The following FSTL4 variants were observed in gnomAD, a reference collection of about 807,000 sequenced individuals.
FSTL4 encodes follistatin-related protein 4.
A neutral mutation model predicts 78.2 loss-of-function variants in FSTL4; 28 were observed. The ratio of observed to expected loss-of-function variants is 0.36; its 90% confidence interval spans 0.27 to 0.49. The LOEUF (loss-of-function observed/expected upper bound fraction) is 0.49. Among genes scored for constraint, FSTL4 ranks in the 20% least tolerant of loss-of-function variants. The pLI is 0.98. For synonymous variants in FSTL4, 422 were observed against 440.5 expected (o/e 0.96, Z 0.53); for missense variants, 922 against 1,084.9 (o/e 0.85, Z 2.11).
At chr5:133,524,558 G>C (rs1580765400) in intron 3 of FSTL4, among the ~76,000 whole-genome samples, 1 of 152,220 alleles carries the variant, frequency 6.6e-6, no homozygotes, top group South Asian at 2.1e-4. Flanking sequence ...ACTTCGCGCA[G>C]AGAAGCCTGC....
At chr5:133,804,875 C>T in the FSTL4 span, among the ~76,000 whole-genome samples, 1,930 of 137,564 alleles carry the variant, frequency 0.014, 51 homozygotes, top group African/African-American at 0.05. Flanking sequence ...ACCCGGAAGG[C>T]GGAGCTTGCA....
chr5:133,342,107 G>A (rs1754595578), intron 4 of FSTL4, among the ~76,000 whole-genome samples: 1 of 152,200 alleles, frequency 6.6e-6, no homozygotes, highest in South Asian at 2.1e-4. Flanking sequence ...CGAGTGGCAG[G>A]AAAGGGAGCT....
chr5:133,609,868 CTTATG>C (rs1268255432), intron 1 of FSTL4, among the ~76,000 whole-genome samples: 7 of 152,150 alleles, frequency 4.6e-5, no homozygotes, highest in African/African-American at 1.4e-4. Flanking sequence ...AATTCCATGC[CTTATG>C]TTATGCATTG....
intron 4 of FSTL4, among the ~76,000 whole-genome samples, chr5:133,389,421 T>C (rs1250309284): frequency 6.6e-6 from 1 of 152,154 alleles, no homozygotes; most frequent in Non-Finnish European, 1.5e-5. Context: ...AGAGACGCCC[T>C]TGAAAATCTG....
At chr5:133,218,645 T>G (rs1421037244) in intron 12 of FSTL4, among the ~76,000 whole-genome samples, 2 of 152,212 alleles carry the variant, frequency 1.3e-5, no homozygotes, top group Non-Finnish European at 2.9e-5. Context: ...GGCCTTTGCC[T>G]TGGCTGTTCC....
At chr5:133,740,958 T>C in the FSTL4 span, among the ~76,000 whole-genome samples, 2 of 151,778 alleles carry the variant, frequency 1.3e-5, no homozygotes, top group Non-Finnish European at 2.9e-5. Flanking sequence ...GATGGATGGA[T>C]GGATGGATGG....
At chr5:133,730,861 C>CA in the FSTL4 span, among the ~76,000 whole-genome samples, 2 of 152,068 alleles carry the variant, frequency 1.3e-5, no homozygotes, top group Non-Finnish European at 2.9e-5. Flanking sequence ...AACAAACAAA[C>CA]AAAAAAGAGT....
chr5:133,810,662 T>A, the FSTL4 span, among the ~76,000 whole-genome samples: 1 of 152,174 alleles, frequency 6.6e-6, no homozygotes, highest in Non-Finnish European at 1.5e-5. Flanking sequence ...GGAGGCAGTG[T>A]CTGATTTACA....
At chr5:133,779,585 C>CA in the FSTL4 span, among the ~76,000 whole-genome samples, 13,899 of 151,896 alleles carry the variant, frequency 0.092, 991 homozygotes, top group African/African-American at 0.2. Context: ...AACTCCATCT[C>CA]AAAAAACAAA....
the FSTL4 span, among the ~76,000 whole-genome samples, chr5:133,654,868 A>G: frequency 6.6e-6 from 1 of 152,202 alleles, no homozygotes; most frequent in African/African-American, 2.4e-5. Context: ...AAATCTCAGG[A>G]GAGCCCTCTG....
chr5:133,742,033 A>G, the FSTL4 span, among the ~76,000 whole-genome samples: 27 of 152,246 alleles, frequency 1.8e-4, no homozygotes. Flanking sequence ...TGGCCCCACC[A>G]GAGGGAAATG....
At chr5:133,688,951 CT>C in the FSTL4 span, among the ~76,000 whole-genome samples, 1 of 152,200 alleles carries the variant, frequency 6.6e-6, no homozygotes. Flanking sequence ...CCTTTAGCTC[CT>C]GGGTGTGGGT....
intron 3 of FSTL4, among the ~76,000 whole-genome samples, chr5:133,483,209 A>T (rs1351844299): frequency 6.6e-6 from 1 of 152,180 alleles, no homozygotes; most frequent in Non-Finnish European, 1.5e-5. Context: ...TCCCACCATG[A>T]CTGTGAGCCC....
intron 6 of FSTL4, among the ~76,000 whole-genome samples, chr5:133,257,395 A>G (rs1262415626): frequency 1.3e-5 from 2 of 152,068 alleles, no homozygotes; most frequent in Non-Finnish European, 2.9e-5. Flanking sequence ...GAGACATCCT[A>G]GTCTGATGTA....
In FSTL4 at chr5:133,319,889, A is replaced by T. The variant is rs183701191; in HGVS notation, c.410-3237T>A. Among the ~76,000 whole-genome samples the T allele has an allele frequency of 2.2e-3, 329 of 152,254 alleles. 2 individuals are homozygous for T. The highest frequency in any genetic ancestry group is 7.2e-3 in the African/African-American group (301 of 41,554). The stretch of plus-strand genomic sequence containing the variant: ...TTAAATCATGAAGTCATTTGTCCGA[A>T]ATTACTGAGCTCCTCTGGTGCCCGA... On this transcript the variant is annotated intron_variant, in intron 4 of 15. Transcript: ENST00000265342.
At chr5:133,217,451 C>A in intron 12 of FSTL4, 73 bp from the exon 13 acceptor site, 1 of 1,379,770 alleles carries the variant, frequency 7.2e-7, no homozygotes. Flanking sequence ...TACTCTCTCC[C>A]CTGACCCTCC....
At chr5:133,686,979 G>A in the FSTL4 span, among the ~76,000 whole-genome samples, 1 of 152,234 alleles carries the variant, frequency 6.6e-6, no homozygotes, top group Non-Finnish European at 1.5e-5. Flanking sequence ...AGGGTGAGAT[G>A]TTCCCCGGGT....
At chr5:133,322,647 G>A (rs904435421) in intron 4 of FSTL4, among the ~76,000 whole-genome samples, 2 of 152,162 alleles carry the variant, frequency 1.3e-5, no homozygotes, top group Non-Finnish European at 2.9e-5. Context: ...GTGGGAGGGA[G>A]CCAGGATATT....
At chr5:133,796,335 G>A in the FSTL4 span, among the ~76,000 whole-genome samples, 1 of 152,204 alleles carries the variant, frequency 6.6e-6, no homozygotes, top group Non-Finnish European at 1.5e-5. Context: ...CGGACAGCTT[G>A]ACTGTCAACC....
Sources: allele counts gnomAD v4.1 joint callset (sites outside exome capture counted in the v4.1 genomes callset), GRCh38; gene constraint gnomAD v4.1.1; transcripts MANE v1.5; gene names NCBI Gene and HGNC (gene_info 2026-07-23, HGNC 2026-07-21).